Variants in CD63 observed in about 807,000 individuals in gnomAD.
The protein encoded by CD63 is CD63 antigen.
Under a neutral mutation model 29.2 loss-of-function variants are expected in CD63, and 16 were observed. The observed-to-expected ratio is 0.55, with a 90% CI of 0.37 to 0.83. The LOEUF (loss-of-function observed/expected upper bound fraction) is 0.83. Ranked by LOEUF, CD63 falls within the 40% of genes least tolerant of loss-of-function variation. CD63 has a pLI of 0.00. For missense variants in CD63, 251 were observed against 297.3 expected, an observed-to-expected ratio of 0.84 and a Z score of 1.15; for synonymous variants, 118 against 111.7, an observed-to-expected ratio of 1.06 and a Z score of -0.36.
rs1205437747 is a variant in CD63, at chr12:55,728,260, A to AC, written c.66+15dup. On this transcript the variant is annotated intron_variant, in intron 2 of 7. Transcript: ENST00000257857. The surrounding 1 kb of genome is among the most constrained non-coding windows in gnomAD (Gnocchi z 4.8). ...GCACCCTGCCGGCGCGCCCCCCAGG[A>AC]CCCCTCGCCACTCACGCAAAAGGCC... 2 of 1,603,492 alleles carry AC rather than the reference A, an allele frequency of 1.2e-6. No individual in the cohort carries two copies. Among genetic ancestry groups the AC allele is most frequent in the African/African-American group, 2.7e-5 (2 of 74,458 alleles).
downstream of CD63, chr12:55,725,319 C>T: frequency 3.6e-6 from 2 of 557,708 alleles, no homozygotes; most frequent in East Asian, 3.0e-5. Context: ...CCACTGCCTG[C>T]CCAACCAACA....
Position 55,729,003 on chromosome 12 carries a change from G to A in CD63, c.-62C>T. 2.0e-6 allele frequency: 2 copies of A among 985,314 alleles called. No individual in the cohort carries two copies. Among genetic ancestry groups the A allele is most frequent in the Non-Finnish European group, 1.2e-6 (1 of 829,984 alleles). 61.0% of individuals were successfully genotyped at this position (985,314 alleles called of 1,614,324 possible). A position where few individuals can be genotyped will look rare whatever the true frequency, so the allele number is the denominator to read the frequency against. On this transcript the variant is annotated 5_prime_UTR_variant, in exon 1 of 8. Transcript: ENST00000257857. ...GTTCCTCTCCCGCCGCGGCTCCGGGGCTCTCTAGCTGCGCCCCCCGGCTCC... is the reference window on the plus strand; with the variant it reads ...GTTCCTCTCCCGCCGCGGCTCCGGGACTCTCTAGCTGCGCCCCCCGGCTCC...
At chr12:55,729,713 CCAGT>C (rs1045127422), upstream of CD63, 2 of 152,264 alleles carry the variant, frequency 1.3e-5, no homozygotes, top group African/African-American at 2.4e-5. Context: ...GCCACGCTAC[CCAGT>C]CAATCAAGAC....
chr12:55,726,868 C>A, intron 4 of CD63, 22 bp downstream of exon 4: 1 of 1,611,272 alleles, frequency 6.2e-7, no homozygotes, highest in East Asian at 2.2e-5. Context: ...GAGGCAGGCC[C>A]TTCCCATTAT....
chr12:55,728,186 CTTAA>C lies in CD63; in HGVS notation c.66+86_66+89del. ...CTTTCCACATCTGGTCTCCAGCTGC[CTTAA>C]TTCTCATTCCCTCAGCCCTCACCAC... On this transcript the variant is annotated intron_variant, in intron 2 of 7. Transcript: ENST00000257857. This position sits in a 1 kb window ranked among gnomAD's most constrained non-coding sequence, Gnocchi z 4.8. 1 of 1,207,566 alleles carries C rather than the reference CTTAA, an allele frequency of 8.3e-7. No individual in the cohort carries two copies. The highest frequency in any genetic ancestry group is 1.2e-6 in the Non-Finnish European group (1 of 833,288). 74.8% of individuals were successfully genotyped at this position (1,207,566 alleles called of 1,614,324 possible).
intron 2 of CD63, 120 bp from the exon 3 acceptor site, chr12:55,727,459 C>A (rs1877538431): frequency 1.6e-6 from 2 of 1,223,380 alleles, no homozygotes; most frequent in Non-Finnish European, 2.2e-6. Flanking sequence ...GATTCTCACA[C>A]CTCTAGGGAA....
rs1479149125 is a variant in CD63, at chr12:55,728,415, T to G, written c.-11-63A>C. ...CGAAGGGGGACCTCGGTTTCCGGGCTCCCGGCCGGCCCTCGAGGGCTTCCC... is the reference window on the plus strand; with the variant it reads ...CGAAGGGGGACCTCGGTTTCCGGGCGCCCGGCCGGCCCTCGAGGGCTTCCC... On this transcript the variant is annotated intron_variant, in intron 1 of 7. Transcript: ENST00000257857. This position sits in a 1 kb window ranked among gnomAD's most constrained non-coding sequence, Gnocchi z 4.8. 1 of 1,553,502 alleles carries G rather than the reference T, an allele frequency of 6.4e-7. No homozygotes were observed. Among genetic ancestry groups the G allele is most frequent in the African/African-American group, 1.4e-5 (1 of 73,658 alleles).
downstream of CD63, chr12:55,723,958 C>G: frequency 1.2e-6 from 2 of 1,614,146 alleles, no homozygotes; most frequent in Non-Finnish European, 1.7e-6. Context: ...CTGTGACCAA[C>G]CTGGAGAGTC....
In CD63 at chr12:55,728,070, A is replaced by G. The variant is rs1176073783; in HGVS notation, c.66+206T>C. Among the ~76,000 whole-genome samples, 2 of 149,016 alleles carry G rather than the reference A, an allele frequency of 1.3e-5. No homozygotes were observed. The highest frequency in any genetic ancestry group is 5.0e-5 in the African/African-American group (2 of 40,070). ...GAGGGATGGGGGTAGGGGTTGCTGC[A>G]CACCCAGGATGGCCATTCTCGGTGG... On this transcript the variant is annotated intron_variant, in intron 2 of 7. Transcript: ENST00000257857. The surrounding 1 kb of genome is among the most constrained non-coding windows in gnomAD (Gnocchi z 4.8).
chr12:55,727,420 G>A (rs973541479), intron 2 of CD63, 81 bp from the exon 3 acceptor site: 17 of 1,374,570 alleles, frequency 1.2e-5, no homozygotes, highest in Non-Finnish European at 1.7e-5. Context: ...GTACACCTAG[G>A]ACACAGACTT....
rs1035573162 is a variant in CD63, at chr12:55,727,122, C to G, written c.255+29G>C. 3.7e-6 allele frequency: 6 copies of G among 1,602,050 alleles called. No homozygotes were observed. In the South Asian group the frequency reaches 4.4e-5, roughly 12 times the overall value. On this transcript the variant is annotated intron_variant, in intron 3 of 7. Coordinates refer to ENST00000257857, the MANE Select transcript of CD63 (RefSeq NM_001780.6). ...CCAAGCTGCTCTGGCAGTCCCAGAC[C>G]GCCCATGTTGGTCCCGCCCCCAACT...
At position 55,725,386 on chromosome 12, in the gene CD63, T is replaced by C. The variant is rs545275721; in HGVS notation, c.*175A>G. 449 of 629,294 alleles carry C rather than the reference T, an allele frequency of 7.1e-4. 1 individual carries two copies. In the African/African-American group the frequency reaches 7.2e-3, roughly 10 times the overall value. The allele number at this position is 629,294 out of a possible 1,614,324, so 39.0% of individuals were successfully genotyped here. A position where few individuals can be genotyped will look rare whatever the true frequency, so the allele number is the denominator to read the frequency against. ...CCCAAAATAGACCTCGAAGTACACA[T>C]GCATTAAGGTCCCAGAGGACAGGGA... On this transcript the variant is annotated 3_prime_UTR_variant, in exon 8 of 8. Transcript: ENST00000257857.
At chr12:55,725,762 C>G in intron 7 of CD63, 51 bp downstream of exon 7, 1 of 1,583,298 alleles carries the variant, frequency 6.3e-7, no homozygotes. Flanking sequence ...AGCCCCTTCC[C>G]TCCAGGCACC....
downstream of CD63, chr12:55,724,284 G>A (rs774677660): frequency 6.2e-7 from 1 of 1,608,524 alleles, no homozygotes; most frequent in Non-Finnish European, 8.5e-7. Context: ...GCTGGAGTGA[G>A]GAAGGGAAAC....
At chr12:55,729,778 T>A (rs1247046786), upstream of CD63, 3 of 152,270 alleles carry the variant, frequency 2.0e-5, no homozygotes, top group Admixed American at 6.5e-5. Flanking sequence ...AGGTCTGTGC[T>A]TCCAGCCTCC....
downstream of CD63, chr12:55,723,841 C>T (rs1218263880): frequency 6.2e-7 from 1 of 1,607,686 alleles, no homozygotes; most frequent in African/African-American, 1.3e-5. Flanking sequence ...AAGTCCCCTC[C>T]CTATAGGGCA....
downstream of CD63, chr12:55,723,881 T>C: frequency 6.2e-7 from 1 of 1,613,536 alleles, no homozygotes; most frequent in Non-Finnish European, 8.5e-7. Context: ...CTGCCCCGAC[T>C]CTAGGCGGGA....
At chr12:55,724,791 CCA>C (rs1877129953), downstream of CD63, 1 of 572,410 alleles carries the variant, frequency 1.7e-6, no homozygotes, top group African/African-American at 1.9e-5. Flanking sequence ...CAGCTAGCAC[CCA>C]CAGTGGGGCG....
chr12:55,725,533 A>C lies in CD63; in HGVS notation c.*28T>G, dbSNP rs200326274. The C allele has an allele frequency of 6.4e-7, 1 of 1,572,466 alleles. No individual in the cohort carries two copies. Among genetic ancestry groups the C allele is most frequent in the Non-Finnish European group, 8.8e-7 (1 of 1,142,114 alleles). On this transcript the variant is annotated 3_prime_UTR_variant, in exon 8 of 8. Transcript: ENST00000257857. ...CTGGAGGATACTATTCCACTCCCCC[A>C]GATGAGGAGGCTGAGGAGACCAGAC... is the stretch of plus-strand genomic sequence containing the variant.
Sources: gnomAD v4.1 joint callset for allele counts (sites outside exome capture counted in the v4.1 genomes callset) on GRCh38, gnomAD v4.1.1 for gene constraint, Gnocchi (gnomAD v3.1) non-coding constraint, MANE v1.5 for transcripts, NCBI Gene and HGNC (gene_info 2026-07-23, HGNC 2026-07-21) for gene names.